Variants in SWT1 observed in about 807,000 individuals in gnomAD.
SWT1 encodes the protein SWT1 RNA endoribonuclease homolog, also known as transcriptional protein SWT1.
Under a neutral mutation model 107.3 loss-of-function variants are expected in SWT1, and 33 were observed. The observed-to-expected ratio is 0.31, with a 90% CI of 0.23 to 0.41. The LOEUF (loss-of-function observed/expected upper bound fraction) is 0.41, where lower values mean the gene tolerates loss of function less well. Ranked by LOEUF, SWT1 falls within the 10% of genes least tolerant of loss-of-function variation. SWT1 has a pLI of 1.00. For missense variants in SWT1, 898 were observed against 1,028.9 expected (o/e 0.87, Z 1.74); for synonymous variants, 345 against 348.3 (o/e 0.99, Z 0.11).
rs912479447 is a variant in SWT1 at position 185,180,432 on chromosome 1, C to G, written c.1008C>G (p.Ile336Met). 2 of 1,612,596 alleles carry G rather than the reference C, an allele frequency of 1.2e-6. No homozygotes were observed. Among genetic ancestry groups the G allele is most frequent in the Non-Finnish European group, 8.5e-7 (1 of 1,178,692 alleles). ...APCCSVSSESIQDADQEMQIV... is the reference protein window; with the variant it reads ...APCCSVSSESMQDADQEMQIV... The stretch of plus-strand genomic sequence containing the variant: ...GTTGTTCCGTGTCATCTGAAAGTAT[C>G]CAGGATGCAGATCAAGAGGTTATTG... The change falls in exon 6 of 19, where the codon ATC (isoleucine) becomes ATG (methionine). Residue 336 changes from isoleucine to methionine, a missense_variant. This residue lies in a region of SWT1 where 94 missense variants were observed against 114.5 expected (regional missense o/e 0.82). Coordinates refer to ENST00000367500, the MANE Select transcript of SWT1 (RefSeq NM_017673.7).
intron 16 of SWT1, among the ~76,000 whole-genome samples, chr1:185,245,038 C>T (rs1661508614): frequency 6.6e-6 from 1 of 151,998 alleles, no homozygotes; most frequent in African/African-American, 2.4e-5. Context: ...GCTATGATTG[C>T]ATAACTGCAT....
At chr1:185,231,776 C>G in intron 16 of SWT1, 68 bp downstream of exon 16, 2 of 1,308,820 alleles carry the variant, frequency 1.5e-6, no homozygotes, top group Admixed American at 4.0e-5. Context: ...GGCTTACCAA[C>G]TTTTTCAGAG....
chr1:185,232,728 T>C (rs1300375590), intron 16 of SWT1, among the ~76,000 whole-genome samples: 1 of 152,188 alleles, frequency 6.6e-6, no homozygotes, highest in Non-Finnish European at 1.5e-5. Flanking sequence ...GAAGTGTTTC[T>C]GGTTCAAAAA....
chr1:185,213,774 C>G (rs1320144364), intron 13 of SWT1, among the ~76,000 whole-genome samples: 1 of 152,044 alleles, frequency 6.6e-6, no homozygotes, highest in Non-Finnish European at 1.5e-5. Flanking sequence ...TTGTTTATAA[C>G]TTTTGAAATT....
At chr1:185,280,703 C>T (rs917419389) in intron 18 of SWT1, 3 of 251,206 alleles carry the variant, frequency 1.2e-5, no homozygotes, top group African/African-American at 6.8e-5. Flanking sequence ...ATGAAGCCTC[C>T]TCCATAAAAA....
chr1:185,280,871 G>C, intron 18 of SWT1: 1 of 453,982 alleles, frequency 2.2e-6, no homozygotes, highest in South Asian at 1.7e-5. Context: ...GCAGAAGGTG[G>C]TGGTCTACCC....
chr1:185,245,077 A>G (rs1571603036), intron 16 of SWT1, among the ~76,000 whole-genome samples: 1 of 152,124 alleles, frequency 6.6e-6, no homozygotes, highest in African/African-American at 2.4e-5. Flanking sequence ...GTGAGACCCC[A>G]TCTCTAAGAA....
chr1:185,230,755 T>C (rs1444007664), intron 15 of SWT1, among the ~76,000 whole-genome samples: 2 of 151,988 alleles, frequency 1.3e-5, no homozygotes, highest in Admixed American at 6.6e-5. Flanking sequence ...TGTGTGTGTT[T>C]GTTTTGTTTT....
At chr1:185,230,195 T>C (rs1006721348) in intron 15 of SWT1, among the ~76,000 whole-genome samples, 1 of 152,222 alleles carries the variant, frequency 6.6e-6, no homozygotes, top group Non-Finnish European at 1.5e-5. Flanking sequence ...TAGTCAACAT[T>C]GTGAATTTAT....
At chr1:185,259,415 G>C (rs984793031) in intron 16 of SWT1, among the ~76,000 whole-genome samples, 9 of 152,092 alleles carry the variant, frequency 5.9e-5, no homozygotes, top group Non-Finnish European at 1.2e-4. Flanking sequence ...CATAGTCATA[G>C]GTACAGAGTT....
chr1:185,281,009 C>CT (rs1464799715), intron 18 of SWT1: 5 of 340,796 alleles, frequency 1.5e-5, no homozygotes, highest in African/African-American at 1.1e-4. Flanking sequence ...TTTTCAGTCC[C>CT]TTTTTATGAT....
At chr1:185,260,058 T>C (rs563176568) in intron 16 of SWT1, among the ~76,000 whole-genome samples, 2 of 152,148 alleles carry the variant, frequency 1.3e-5, no homozygotes, top group Non-Finnish European at 2.9e-5. Flanking sequence ...AAAGCATACT[T>C]GTTATTTTTA....
At chr1:185,167,066 C>A (rs867929765) in intron 3 of SWT1, among the ~76,000 whole-genome samples, 21 of 152,246 alleles carry the variant, frequency 1.4e-4, no homozygotes, top group Non-Finnish European at 2.4e-4. Flanking sequence ...CACCACCAGG[C>A]TCAGCTAATT....
At chr1:185,252,863 T>C (rs1292610334) in intron 16 of SWT1, among the ~76,000 whole-genome samples, 1 of 149,162 alleles carries the variant, frequency 6.7e-6, no homozygotes, top group Non-Finnish European at 1.5e-5. Context: ...TGCCCATGCC[T>C]ATGTCCTGAA....
intron 14 of SWT1, among the ~76,000 whole-genome samples, chr1:185,218,650 G>T (rs1659409060): frequency 6.6e-6 from 1 of 152,072 alleles, no homozygotes; most frequent in African/African-American, 2.4e-5. Context: ...AATAGGAAAA[G>T]GATACGTACA....
intron 15 of SWT1, among the ~76,000 whole-genome samples, chr1:185,225,079 G>A (rs1659949507): frequency 6.6e-6 from 1 of 152,030 alleles, no homozygotes. Flanking sequence ...TTATTGCATT[G>A]AGGTATGCTC....
At chr1:185,181,573 AGAAT>A (rs1459212127) in intron 6 of SWT1, among the ~76,000 whole-genome samples, 1 of 152,248 alleles carries the variant, frequency 6.6e-6, no homozygotes, top group African/African-American at 2.4e-5. Flanking sequence ...GATTGGAATG[AGAAT>A]GAACTTACTT....
At chr1:185,160,988 A>G (rs116310975) in intron 2 of SWT1, 63 bp downstream of exon 2, 11 of 1,152,250 alleles carry the variant, frequency 9.5e-6, no homozygotes, top group Non-Finnish European at 1.4e-5. Context: ...AATGAAAAAA[A>G]TACACCTTAC....
intron 16 of SWT1, among the ~76,000 whole-genome samples, chr1:185,245,137 T>G (rs1381154337): frequency 6.6e-6 from 1 of 152,186 alleles, no homozygotes; most frequent in Non-Finnish European, 1.5e-5. Context: ...CCCTTTCAGA[T>G]CTATGCTTTC....
Sources: gnomAD v4.1 joint callset for allele counts (sites outside exome capture counted in the v4.1 genomes callset) on GRCh38, gnomAD v4.1.1 for gene constraint, gnomAD v4.1.1 regional missense constraint, MANE v1.5 for transcripts, NCBI Gene and HGNC (gene_info 2026-07-23, HGNC 2026-07-21) for gene names.